Variants in VPS13B observed in about 807,000 individuals in gnomAD.
The protein encoded by VPS13B is vacuolar protein sorting 13 homolog B.
Under a neutral mutation model 426.4 loss-of-function variants are expected in VPS13B, and 285 were observed. The observed-to-expected ratio is 0.67, with a 90% confidence interval of 0.61 to 0.74. VPS13B has a LOEUF of 0.74. Among genes scored for constraint, VPS13B ranks in the 30% least tolerant of loss-of-function variants. The pLI is 0.00. For missense variants in VPS13B, 4,537 were observed against 4,782.6 expected (o/e 0.95, Z 1.51); for synonymous variants, 1,676 against 1,676.4 (o/e 1.00, Z 0.01).
intron 17 of VPS13B, among the ~76,000 whole-genome samples, chr8:99,220,429 G>A (rs1051031537): frequency 6.6e-6 from 1 of 152,120 alleles, no homozygotes; most frequent in Non-Finnish European, 1.5e-5. Flanking sequence ...GTTTGTTTGT[G>A]TTGATGTCAT....
intron 39 of VPS13B, among the ~76,000 whole-genome samples, chr8:99,737,398 G>T (rs1185896089): frequency 6.6e-6 from 1 of 151,998 alleles, no homozygotes; most frequent in Non-Finnish European, 1.5e-5. Context: ...TTTCACATAT[G>T]ATCAGTGCTT....
At chr8:99,848,238 C>T (rs979950108) in intron 54 of VPS13B, among the ~76,000 whole-genome samples, 4 of 152,192 alleles carry the variant, frequency 2.6e-5, no homozygotes, top group African/African-American at 9.7e-5. Flanking sequence ...AGCAAATTAA[C>T]TTATATCTAA....
Position 99,870,879 on chromosome 8 carries a change from A to G in VPS13B, c.11487A>G (p.Lys3829=), listed in dbSNP as rs1330191239. ...ACCAGGCTCCAAACAGCCATGTCAA[A>G]TATGTCTGGTAAAATTATTGAGATA... ...HADQAPNSHV[K]YVWKMLQSLG... Residue 3829 remains lysine, a synonymous_variant, in exon 60 of 62, where the codon AAA becomes AAG. Transcript: ENST00000357162. 1 of 1,614,002 alleles carries G rather than the reference A, an allele frequency of 6.2e-7. No homozygotes were observed. The highest frequency in any genetic ancestry group is 8.5e-7 in the Non-Finnish European group (1 of 1,179,976).
At chr8:99,750,694 C>T (rs1044220143) in intron 39 of VPS13B, among the ~76,000 whole-genome samples, 72 of 152,044 alleles carry the variant, frequency 4.7e-4, no homozygotes, top group African/African-American at 1.7e-3. Context: ...TAGAGGGGCA[C>T]ATAAGTTAGA....
intron 21 of VPS13B, among the ~76,000 whole-genome samples, chr8:99,397,029 A>G (rs184485002): frequency 2.0e-5 from 3 of 152,346 alleles, no homozygotes; most frequent in East Asian, 3.9e-4. Context: ...TGAAATCTTA[A>G]AAAGTACATT....
intron 33 of VPS13B, among the ~76,000 whole-genome samples, chr8:99,623,355 C>T (rs1454248835): frequency 6.6e-6 from 1 of 152,180 alleles, no homozygotes; most frequent in Admixed American, 6.5e-5. Flanking sequence ...CTTTACTCTG[C>T]TCTTGTCTTT....
chr8:99,799,907 C>T (rs995975677), intron 43 of VPS13B, among the ~76,000 whole-genome samples: 7 of 152,098 alleles, frequency 4.6e-5, no homozygotes, highest in East Asian at 1.9e-4. Context: ...TATTCAAATC[C>T]GAATGACTAA....
At chr8:99,788,072 A>G (rs1409753783) in intron 43 of VPS13B, among the ~76,000 whole-genome samples, 1 of 152,090 alleles carries the variant, frequency 6.6e-6, no homozygotes, top group Non-Finnish European at 1.5e-5. Context: ...ATTTAAAACT[A>G]CAGGTCAGGC....
At position 99,103,121 on chromosome 8, in the gene VPS13B, G is replaced by A. The variant is rs1846848656; in HGVS notation, c.580+1G>A. Reference sequence around the variant, plus strand: ...GATCGTGCATTCATGGATATTTCTGGTGAGTAAATATGGAGAATACCGTAT... The same window carrying A: ...GATCGTGCATTCATGGATATTTCTGATGAGTAAATATGGAGAATACCGTAT... On this transcript the variant is annotated splice_donor_variant, in intron 5 of 61. Transcript: ENST00000357162. LOFTEE classifies it high-confidence loss of function. The A allele has an allele frequency of 6.2e-7, 1 of 1,613,748 alleles. No homozygotes were observed. The highest frequency in any genetic ancestry group is 8.5e-7 in the Non-Finnish European group (1 of 1,179,804).
intron 17 of VPS13B, among the ~76,000 whole-genome samples, chr8:99,224,838 T>C (rs2132839267): frequency 6.6e-6 from 1 of 152,304 alleles, no homozygotes; most frequent in African/African-American, 2.4e-5. Context: ...ACCACTCTGA[T>C]TGTCTCTCTC....
At chr8:99,017,789 G>A (rs891941461) in intron 2 of VPS13B, among the ~76,000 whole-genome samples, 8 of 152,024 alleles carry the variant, frequency 5.3e-5, no homozygotes, top group Non-Finnish European at 8.8e-5. Flanking sequence ...ACCACGCCCA[G>A]CCTATCATAT....
intron 33 of VPS13B, among the ~76,000 whole-genome samples, chr8:99,611,272 T>C (rs1303301634): frequency 6.6e-6 from 1 of 152,098 alleles, no homozygotes; most frequent in Non-Finnish European, 1.5e-5. Context: ...AGGAAATAAA[T>C]TAAGTAGAGA....
At chr8:99,486,485 G>T (rs1442279376) in intron 25 of VPS13B, among the ~76,000 whole-genome samples, 2 of 152,048 alleles carry the variant, frequency 1.3e-5, no homozygotes, top group Non-Finnish European at 2.9e-5. Context: ...CAAAGTGCTG[G>T]GATTACAGGC....
chr8:99,051,120 A>G (rs1429865747), intron 3 of VPS13B, among the ~76,000 whole-genome samples: 1 of 152,100 alleles, frequency 6.6e-6, no homozygotes, highest in Non-Finnish European at 1.5e-5. Context: ...CTATGTCCTG[A>G]ATGGTATTGC....
At chr8:99,711,901 G>A (rs1231734872) in intron 36 of VPS13B, among the ~76,000 whole-genome samples, 1 of 152,132 alleles carries the variant, frequency 6.6e-6, no homozygotes, top group Non-Finnish European at 1.5e-5. Flanking sequence ...CAAATTGAAG[G>A]TGACCCAGGA....
At chr8:99,674,727 T>G (rs927819601) in intron 35 of VPS13B, among the ~76,000 whole-genome samples, 1 of 152,088 alleles carries the variant, frequency 6.6e-6, no homozygotes, top group Non-Finnish European at 1.5e-5. Context: ...CTTTTTAATT[T>G]TTTGTGTATC....
chr8:99,571,209 A>G lies in VPS13B; in HGVS notation c.4950-4449A>G, dbSNP rs185060538. 1.8e-4 allele frequency among the ~76,000 whole-genome samples: 27 copies of G among 152,120 alleles called. 1 individual carries two copies. Among genetic ancestry groups the G allele is most frequent in the Non-Finnish European group, 7.4e-5 (5 of 68,006 alleles). Reference sequence around the variant, plus strand: ...AAGGTCATTAACAACCTCAGTTAATACTTTGTGTTTTAGTTCCTTCTTTTG... The same window carrying G: ...AAGGTCATTAACAACCTCAGTTAATGCTTTGTGTTTTAGTTCCTTCTTTTG... On this transcript the variant is annotated intron_variant, in intron 31 of 61. Transcript: ENST00000357162.
In VPS13B at chr8:99,835,294, G is replaced by C; in HGVS notation, c.9712G>C (p.Val3238Leu). The change falls in exon 53 of 62, where the codon GTA (valine) becomes CTA (leucine). Residue 3238 changes from valine to leucine, a missense_variant. By Grantham distance (32) the Val-to-Leu change is conservative (BLOSUM62 1). Coordinates refer to ENST00000357162, the MANE Select transcript of VPS13B (RefSeq NM_152564.5). ...AGTAATTATCCACAATAGATGTCCA[G>C]TAAAAATGCTTATAAAGGAAAACAT... ...PRVIIHNRCP[V>L]KMLIKENIKD... 6.2e-7 allele frequency: 1 copy of C among 1,612,820 alleles called. No homozygotes were observed. The highest frequency in any genetic ancestry group is 8.5e-7 in the Non-Finnish European group (1 of 1,178,994).
At chr8:99,720,163 T>A (rs1361800715) in intron 37 of VPS13B, among the ~76,000 whole-genome samples, 182 bp from the exon 38 acceptor site, 4 of 152,190 alleles carry the variant, frequency 2.6e-5, no homozygotes, top group Non-Finnish European at 5.9e-5. Flanking sequence ...TTTGTTGTTA[T>A]ATATTTATTC....
Sources: gnomAD v4.1 joint callset for allele counts (sites outside exome capture counted in the v4.1 genomes callset) on GRCh38, gnomAD v4.1.1 for gene constraint, MANE v1.5 for transcripts, NCBI Gene and HGNC (gene_info 2026-07-23, HGNC 2026-07-21) for gene names.